MNAT1: variants seen among roughly 807,000 people sequenced by gnomAD.
MNAT1 encodes the protein MNAT1 component of CDK activating kinase.
Under a neutral mutation model 42.0 loss-of-function variants are expected in MNAT1, and 43 were observed. That is an observed-to-expected ratio of 1.02 (90% CI 0.80 to 1.32). The LOEUF (loss-of-function observed/expected upper bound fraction) is 1.32, where lower values mean the gene tolerates loss of function less well. Among genes scored for constraint, MNAT1 ranks in the 40% most tolerant of loss-of-function variants. The pLI is 0.00. For synonymous variants in MNAT1, 118 were observed against 120.0 expected, an observed-to-expected ratio of 0.98 and a Z score of 0.11; for missense variants, 306 against 350.4, an observed-to-expected ratio of 0.87 and a Z score of 1.01.
At chr14:60,799,147 G>A in intron 3 of MNAT1, 2 of 666,980 alleles carry the variant, frequency 3.0e-6, no homozygotes, top group Non-Finnish European at 3.7e-6. Flanking sequence ...TTATGCCATA[G>A]CAAAAGCATG....
At chr14:60,804,445 C>T (rs1370256101) in intron 3 of MNAT1, among the ~76,000 whole-genome samples, 1 of 151,974 alleles carries the variant, frequency 6.6e-6, no homozygotes, top group Non-Finnish European at 1.5e-5. Context: ...ATTGCTGTTA[C>T]CTTTGCTTCT....
At chr14:60,916,166 A>G (rs1261689652) in intron 7 of MNAT1, among the ~76,000 whole-genome samples, 1 of 152,218 alleles carries the variant, frequency 6.6e-6, no homozygotes, top group Non-Finnish European at 1.5e-5. Context: ...TGAGCTTGCT[A>G]CTGTTGTTGC....
intron 6 of MNAT1, among the ~76,000 whole-genome samples, chr14:60,868,427 T>C (rs1418475958): frequency 6.6e-6 from 1 of 152,192 alleles, no homozygotes; most frequent in Non-Finnish European, 1.5e-5. Context: ...AATATTCTGG[T>C]TTCTGATTCC....
intron 1 of MNAT1, among the ~76,000 whole-genome samples, chr14:60,741,821 T>A (rs1468156464): frequency 3.3e-5 from 5 of 151,944 alleles, no homozygotes; most frequent in African/African-American, 1.2e-4. Flanking sequence ...ATCCATTTAC[T>A]TTCAACCAAT....
At chr14:60,881,157 G>C (rs2034542905) in intron 7 of MNAT1, among the ~76,000 whole-genome samples, 1 of 152,026 alleles carries the variant, frequency 6.6e-6, no homozygotes, top group African/African-American at 2.4e-5. Context: ...TGTCCGGGTA[G>C]CTTTCTTCTG....
intron 7 of MNAT1, among the ~76,000 whole-genome samples, chr14:60,946,993 CTGGTATCTGTTCT>C (rs1259749892): frequency 6.6e-6 from 1 of 152,192 alleles, no homozygotes; most frequent in Non-Finnish European, 1.5e-5. Flanking sequence ...AGTTTGTTCT[CTGGTATCTGTTCT>C]TGTAAGGGCA....
At chr14:60,797,010 A>G (rs2032040648) in intron 2 of MNAT1, among the ~76,000 whole-genome samples, 1 of 151,954 alleles carries the variant, frequency 6.6e-6, no homozygotes, top group Non-Finnish European at 1.5e-5. Context: ...GTATATATAT[A>G]CCTATATATT....
In MNAT1 at chr14:60,953,395, G is replaced by GGA. The variant is rs2036420086; in HGVS notation, c.810-14833_810-14832dup. On this transcript the variant is annotated intron_variant, in intron 7 of 7. Coordinates refer to ENST00000261245, the MANE Select transcript of MNAT1 (RefSeq NM_002431.4). Reference sequence around the variant, plus strand: ...TTCATAATAGAGGTACAGTAAAAGGGGAAAGATAGAAAGCAACAATATTAT... The same window carrying GGA: ...TTCATAATAGAGGTACAGTAAAAGGGGAGAAAGATAGAAAGCAACAATATTAT... Among the ~76,000 whole-genome samples, 4 of 152,054 alleles carry GGA rather than the reference G, an allele frequency of 2.6e-5. No individual in the cohort carries two copies. In the South Asian group the frequency reaches 8.3e-4, roughly 32 times the overall value.
At chr14:60,776,543 A>G (rs947861281) in intron 1 of MNAT1, among the ~76,000 whole-genome samples, 2 of 152,168 alleles carry the variant, frequency 1.3e-5, no homozygotes, top group African/African-American at 2.4e-5. Flanking sequence ...AGACCAGACC[A>G]TATAAGCCAG....
At chr14:60,777,625 TG>T (rs751355584) in intron 1 of MNAT1, among the ~76,000 whole-genome samples, 25 of 152,168 alleles carry the variant, frequency 1.6e-4, no homozygotes, top group Non-Finnish European at 2.4e-4. Flanking sequence ...GTCCTCTTTT[TG>T]CTTAGTCCCC....
At chr14:60,872,092 AAG>A (rs1253756136) in intron 6 of MNAT1, among the ~76,000 whole-genome samples, 1 of 152,146 alleles carries the variant, frequency 6.6e-6, no homozygotes, top group African/African-American at 2.4e-5. Flanking sequence ...TCATTAAGGA[AAG>A]ATGTTTATTT....
chr14:60,926,730 C>T (rs2035775023), intron 7 of MNAT1, among the ~76,000 whole-genome samples: 1 of 152,082 alleles, frequency 6.6e-6, no homozygotes, highest in Admixed American at 6.5e-5. Flanking sequence ...TTTATGAAGG[C>T]TTAATTATGT....
At chr14:60,779,907 C>G in intron 1 of MNAT1, 1 of 915,940 alleles carries the variant, frequency 1.1e-6, no homozygotes, top group Non-Finnish European at 1.7e-6. Flanking sequence ...GCTGTTGGAG[C>G]CGCTGTGGTT....
intron 7 of MNAT1, among the ~76,000 whole-genome samples, chr14:60,895,542 C>T (rs1267048360): frequency 1.3e-5 from 2 of 152,198 alleles, no homozygotes; most frequent in Non-Finnish European, 2.9e-5. Context: ...AGTGCTCTCT[C>T]CTTTCCTTTC....
chr14:60,966,601 C>T (rs1210383366), intron 7 of MNAT1, among the ~76,000 whole-genome samples: 1 of 152,248 alleles, frequency 6.6e-6, no homozygotes, highest in African/African-American at 2.4e-5. Context: ...CAACCTCCAC[C>T]TCCTGGGTTC....
chr14:60,846,861 G>C (rs1432391564), intron 6 of MNAT1, among the ~76,000 whole-genome samples: 1 of 152,186 alleles, frequency 6.6e-6, no homozygotes, highest in African/African-American at 2.4e-5. Context: ...CATGTTGCTT[G>C]ATGGTTATGT....
chr14:60,746,753 C>A (rs1244793606), intron 1 of MNAT1, among the ~76,000 whole-genome samples: 1 of 149,812 alleles, frequency 6.7e-6, no homozygotes, highest in Non-Finnish European at 1.5e-5. Flanking sequence ...ATGCAGTGTG[C>A]TAATATACTT....
intron 7 of MNAT1, among the ~76,000 whole-genome samples, chr14:60,882,470 A>T (rs2034573274): frequency 6.6e-6 from 1 of 152,088 alleles, no homozygotes; most frequent in South Asian, 2.1e-4. Flanking sequence ...CATTTTCTTT[A>T]TTCAGTCATC....
chr14:60,826,521 A>G (rs1322073981), intron 6 of MNAT1, among the ~76,000 whole-genome samples: 1 of 151,824 alleles, frequency 6.6e-6, no homozygotes, highest in Non-Finnish European at 1.5e-5. Context: ...GGGTTTCACC[A>G]TACTGACCAG....
Sources: gnomAD v4.1 joint callset for allele counts (sites outside exome capture counted in the v4.1 genomes callset) on GRCh38, gnomAD v4.1.1 for gene constraint, MANE v1.5 for transcripts, NCBI Gene and HGNC (gene_info 2026-07-23, HGNC 2026-07-21) for gene names.